Variants in DNAH3 observed in about 807,000 individuals in gnomAD.
DNAH3 encodes dynein axonemal heavy chain 3, also known as axonemal beta dynein heavy chain 3.
In DNAH3, 332 loss-of-function variants were observed where a neutral mutation model predicts 432.5. The observed-to-expected ratio is 0.77, with a 90% CI of 0.70 to 0.84. DNAH3 has a LOEUF of 0.84. Ranked by LOEUF, DNAH3 falls within the 40% of genes least tolerant of loss-of-function variation. The probability of loss-of-function intolerance (pLI) is 0.00; values close to 1 mark genes in which losing one functional copy is unlikely to be tolerated. For missense variants in DNAH3, 4,861 were observed against 5,114.0 expected, an observed-to-expected ratio of 0.95 and a Z score of 1.51; for synonymous variants, 1,956 against 1,900.2, an observed-to-expected ratio of 1.03 and a Z score of -0.76.
chr16:21,141,793 G>A (rs6497534), intron 3 of DNAH3, among the ~76,000 whole-genome samples: 71,533 of 152,106 alleles, frequency 0.47, 17,325 homozygotes, highest in East Asian at 0.68. Context: ...GCTCATGCCT[G>A]TAATCCCAGT....
intron 18 of DNAH3, among the ~76,000 whole-genome samples, chr16:21,087,806 G>C (rs1453398462): frequency 6.6e-6 from 1 of 152,138 alleles, no homozygotes; most frequent in Non-Finnish European, 1.5e-5. Flanking sequence ...GCTGGGGTGG[G>C]AGGATCACTT....
chr16:21,087,493 G>A (rs2091416083), intron 18 of DNAH3, among the ~76,000 whole-genome samples: 1 of 151,916 alleles, frequency 6.6e-6, no homozygotes, highest in Non-Finnish European at 1.5e-5. Context: ...AGACCAGCCT[G>A]GGCAACATAG....
chr16:21,146,022 G>A, exon 2 of DNAH3: 1 of 1,613,790 alleles, frequency 6.2e-7, no homozygotes, highest in Non-Finnish European at 8.5e-7. Flanking sequence ...GCAGAAGCAG[G>A]CAGAGGAGGC....
At chr16:21,156,128 G>A (rs928583971) in intron 1 of DNAH3, among the ~76,000 whole-genome samples, 2 of 151,854 alleles carry the variant, frequency 1.3e-5, no homozygotes, top group Admixed American at 6.6e-5. Flanking sequence ...CTCACATGGT[G>A]GAAAGAGGGT....
At chr16:21,071,713 C>A (rs1045258055) in intron 21 of DNAH3, among the ~76,000 whole-genome samples, 3 of 151,990 alleles carry the variant, frequency 2.0e-5, no homozygotes, top group Non-Finnish European at 2.9e-5. Context: ...CATAGCAAGA[C>A]CCCATCTCTA....
intron 3 of DNAH3, among the ~76,000 whole-genome samples, chr16:21,141,881 T>A (rs996122764): frequency 1.1e-4 from 16 of 151,268 alleles, no homozygotes; most frequent in African/African-American, 3.9e-4. Flanking sequence ...CGAAACCCCA[T>A]CTCTACTGAA....
Position 20,965,177 on chromosome 16 carries a change from G to A in DNAH3, c.8707C>T (p.Pro2903Ser), listed in dbSNP as rs1248276741. 4.3e-6 allele frequency: 7 copies of A among 1,613,858 alleles called. No individual in the cohort carries two copies. Among genetic ancestry groups the A allele is most frequent in the Non-Finnish European group, 5.9e-6 (7 of 1,180,022 alleles). Residue 2903 changes from proline (P) to serine (S), a missense_variant, in exon 53 of 62, where the codon CCC becomes TCC. Coordinates refer to ENST00000261383, the Ensembl canonical transcript of DNAH3. ...GCCTCCCTCAGTCGCTCCCGTTTGG[G>A]AGCCACCACCTTGGCCACGCGATCG...
chr16:21,054,546 A>T lies in DNAH3; in HGVS notation c.3925-12T>A. On this transcript the variant is annotated splice_polypyrimidine_tract_variant and intron_variant, in intron 27 of 61. Coordinates refer to ENST00000261383, the Ensembl canonical transcript of DNAH3. ...TTTTTCAGAAAATCCTGGAAGGGGC[A>T]GAGGAGGGGACAACTGGTTACATTT... The T allele has an allele frequency of 6.3e-7, 1 of 1,596,968 alleles. No individual in the cohort carries two copies. Among genetic ancestry groups the T allele is most frequent in the Non-Finnish European group, 8.6e-7 (1 of 1,164,718 alleles).
At position 21,105,593 on chromosome 16, in the gene DNAH3, C is replaced by G. The variant is rs143922782; in HGVS notation, c.2284+897G>C. On this transcript the variant is annotated intron_variant, in intron 15 of 61. Transcript: ENST00000261383. Reference sequence around the variant, plus strand: ...CTAGCCTGGCCAACATGGAGAAACTCTGTCTCTACTAAAAATACAAAAATT... The same window carrying G: ...CTAGCCTGGCCAACATGGAGAAACTGTGTCTCTACTAAAAATACAAAAATT... Among the ~76,000 whole-genome samples, 197 of 152,220 alleles carry G rather than the reference C, an allele frequency of 1.3e-3. 1 individual carries two copies. The highest frequency in any genetic ancestry group is 4.5e-3 in the African/African-American group (188 of 41,532).
At chr16:21,155,085 G>C (rs1221691283) in intron 1 of DNAH3, among the ~76,000 whole-genome samples, 1 of 151,808 alleles carries the variant, frequency 6.6e-6, no homozygotes, top group African/African-American at 2.4e-5. Flanking sequence ...CAGTAACTGG[G>C]ATTACAGGCG....
chr16:21,145,456 T>A (rs1451271774), intron 2 of DNAH3, 50 bp from the exon 4 acceptor site: 16 of 1,506,208 alleles, frequency 1.1e-5, no homozygotes, highest in Non-Finnish European at 1.5e-5. Context: ...CATCTCTCGA[T>A]GAGCCTGAGC....
chr16:21,087,216 C>A (rs1056337168), intron 18 of DNAH3, among the ~76,000 whole-genome samples, 156 bp from the exon 19 acceptor site: 4 of 152,128 alleles, frequency 2.6e-5, no homozygotes, highest in East Asian at 1.9e-4. Flanking sequence ...GCCAGTGGAA[C>A]CTTAGATATG....
chr16:20,989,848 G>C (rs1597076605), intron 44 of DNAH3, among the ~76,000 whole-genome samples: 2 of 152,338 alleles, frequency 1.3e-5, no homozygotes, highest in African/African-American at 4.8e-5. Flanking sequence ...TGGCACTGCT[G>C]GGGGACCCAG....
At chr16:20,974,584 T>G (rs958528722) in intron 51 of DNAH3, among the ~76,000 whole-genome samples, 2 of 133,516 alleles carry the variant, frequency 1.5e-5, no homozygotes, top group Non-Finnish European at 3.2e-5. Flanking sequence ...ATAGTGTTTT[T>G]TTTTTTTTTT....
At chr16:21,142,526 G>C (rs1397251912) in intron 3 of DNAH3, among the ~76,000 whole-genome samples, 1 of 151,666 alleles carries the variant, frequency 6.6e-6, no homozygotes, top group Non-Finnish European at 1.5e-5. Flanking sequence ...ATAAATAGAA[G>C]GTAGCTACAA....
intron 44 of DNAH3, among the ~76,000 whole-genome samples, chr16:20,996,077 T>C (rs2086750196): frequency 6.6e-6 from 1 of 152,264 alleles, no homozygotes; most frequent in Admixed American, 6.5e-5. Context: ...GTGTTGTTTA[T>C]AGCTTTCTGG....
At chr16:21,081,411 T>G (rs139540799) in intron 20 of DNAH3, among the ~76,000 whole-genome samples, 62 of 148,318 alleles carry the variant, frequency 4.2e-4, no homozygotes, top group African/African-American at 1.4e-3. Flanking sequence ...TGAAATAAAA[T>G]CCATGACTCA....
chr16:21,049,965 G>C, exon 30 of DNAH3: 1 of 1,614,232 alleles, frequency 6.2e-7, no homozygotes. Flanking sequence ...GCCAGTCCCA[G>C]CTGGACCCTC....
chr16:21,030,926 T>C (rs917298177), intron 37 of DNAH3, 119 bp downstream of exon 37: 4 of 1,018,068 alleles, frequency 3.9e-6, no homozygotes, highest in African/African-American at 3.2e-5. Flanking sequence ...TTATTCTTAA[T>C]GTATACAGAA....
Sources: gnomAD v4.1 joint callset for allele counts (sites outside exome capture counted in the v4.1 genomes callset) on GRCh38, gnomAD v4.1.1 for gene constraint, MANE v1.5 for transcripts, NCBI Gene and HGNC (gene_info 2026-07-23, HGNC 2026-07-21) for gene names.